MGAT1: variants seen among roughly 807,000 people sequenced by gnomAD.
MGAT1 encodes the protein alpha-1,3-mannosyl-glycoprotein 2-beta-N-acetylglucosaminyltransferase.
A neutral mutation model predicts 31.7 loss-of-function variants in MGAT1; 14 were observed. The ratio of observed to expected loss-of-function variants is 0.44; its 90% confidence interval spans 0.29 to 0.69. The LOEUF is 0.69. Among genes scored for constraint, MGAT1 ranks in the 30% least tolerant of loss-of-function variants. The pLI, the probability that MGAT1 is intolerant of heterozygous loss-of-function variation, is 0.12. For synonymous variants in MGAT1, 338 were observed against 276.0 expected (o/e 1.22, Z -2.23); for missense variants, 557 against 626.0 (o/e 0.89, Z 1.18).
chr5:180,809,962 C>T lies in MGAT1; in HGVS notation c.-545-896G>A, dbSNP rs573633281. ...GTGTTCACAAGAGAAGAGGGTGACACTGCGACCCTTCCTGGACTCTGACCC... is the reference window on the plus strand; with the variant it reads ...GTGTTCACAAGAGAAGAGGGTGACATTGCGACCCTTCCTGGACTCTGACCC... On this transcript the variant is annotated intron_variant, in intron 1 of 2. Coordinates refer to the MGAT1 transcript ENST00000333055. The T allele has an allele frequency of 4.1e-4, 62 of 152,436 alleles. 1 individual carries two copies. In the South Asian group the frequency reaches 0.012, roughly 30 times the overall value. 9.4% of individuals were successfully genotyped at this position (152,436 alleles called of 1,614,324 possible).
In MGAT1 at chr5:180,790,240, C is replaced by G. The variant is rs1460717376; in HGVS notation, c.*1394G>C. On this transcript the variant is annotated 3_prime_UTR_variant, in exon 2 of 2. Transcript: ENST00000307826. ...CTGGTTCTTCCCCAGACCAGGCCTGCCCAGCCAGCAGGAGGCAGAAGCAGG... is the reference window on the plus strand; with the variant it reads ...CTGGTTCTTCCCCAGACCAGGCCTGGCCAGCCAGCAGGAGGCAGAAGCAGG... 1 of 152,270 alleles carries G rather than the reference C, an allele frequency of 6.6e-6. No individual in the cohort carries two copies. The highest frequency in any genetic ancestry group is 1.9e-4 in the East Asian group (1 of 5,186). 9.4% of individuals were successfully genotyped at this position (152,270 alleles called of 1,614,324 possible).
At chr5:180,811,998 T>C (rs546805152) in intron 1 of MGAT1, among the ~76,000 whole-genome samples, 15 of 152,350 alleles carry the variant, frequency 9.8e-5, no homozygotes, top group Non-Finnish European at 1.8e-4. Context: ...AACCTGCCCC[T>C]GACCCAGAGC....
At position 180,791,857 on chromosome 5, in the gene MGAT1, T is replaced by C; in HGVS notation, c.1115A>G (p.Lys372Arg). Residue 372 changes from lysine (K) to arginine (R), a missense_variant, in exon 2 of 2, where the codon AAA (lysine) becomes AGA (arginine). Physicochemically the swap from Lys to Arg is conservative, Grantham distance 26. Around this residue, in one of 3 missense-constraint regions of MGAT1, gnomAD observed 145 missense variants for 143.2 expected, o/e 1.01. Transcript: ENST00000307826. ...CTCCTTCCGGTCATTGGTCCTCACTTTCTCCACCTGCAGCTGGGGAGCACC... is the reference window on the plus strand; with the variant it reads ...CTCCTTCCGGTCATTGGTCCTCACTCTCTCCACCTGCAGCTGGGGAGCACC... ...VYGAPQLQVE[K>R]VRTNDRKELG... The C allele has an allele frequency of 6.2e-7, 1 of 1,614,188 alleles. No homozygotes were observed. The highest frequency in any genetic ancestry group is 8.5e-7 in the Non-Finnish European group (1 of 1,180,036).
chr5:180,793,493 C>T (rs7731696), intron 1 of MGAT1, among the ~76,000 whole-genome samples: 312 of 152,160 alleles, frequency 2.1e-3, no homozygotes, highest in African/African-American at 7.0e-3. Context: ...AACCCCTTAC[C>T]AACAGGGAAG....
upstream of MGAT1, among the ~76,000 whole-genome samples, chr5:180,804,880 C>G (rs893784616): frequency 1.7e-4 from 26 of 152,052 alleles, no homozygotes; most frequent in African/African-American, 5.8e-4. Context: ...TAACGCACAC[C>G]CCATCTCTAC....
chr5:180,810,183 C>G (rs1385889997), intron 1 of MGAT1: 1 of 151,754 alleles, frequency 6.6e-6, no homozygotes, highest in African/African-American at 2.4e-5. Flanking sequence ...ACTCCTTCCC[C>G]CCTCCCACCA....
At chr5:180,810,057 C>T (rs1305159486) in intron 1 of MGAT1, 1 of 151,800 alleles carries the variant, frequency 6.6e-6, no homozygotes, top group African/African-American at 2.4e-5. Flanking sequence ...CCGCCCGCCC[C>T]GTCTCGGCTA....
Position 180,792,081 on chromosome 5 carries a change from C to T in MGAT1, c.891G>A (p.Gln297=). 1 of 1,612,836 alleles carries T rather than the reference C, an allele frequency of 6.2e-7. No individual in the cohort carries two copies. Among genetic ancestry groups the T allele is most frequent in the Non-Finnish European group, 8.5e-7 (1 of 1,179,860 alleles). Residue 297 remains glutamine, a synonymous_variant, in exon 2 of 2, where the codon CAG becomes CAA. Transcript: ENST00000307826. ...FWDDWMRRPE[Q]RQGRACIRPE... is the part of the protein sequence containing the mutation. ...GGCGTATGCAGGCCCGCCCCTGCCGCTGCTCCGGCCGCCGCATCCAGTCGT... is the reference window on the plus strand; with the variant it reads ...GGCGTATGCAGGCCCGCCCCTGCCGTTGCTCCGGCCGCCGCATCCAGTCGT...
At chr5:180,800,054 G>T (rs1340973764) in intron 1 of MGAT1, among the ~76,000 whole-genome samples, 1 of 152,210 alleles carries the variant, frequency 6.6e-6, no homozygotes, top group Non-Finnish European at 1.5e-5. Flanking sequence ...CCACAAGCAA[G>T]AACCACATAG....
Position 180,789,043 on chromosome 5 carries a change from T to G in MGAT1, c.*2591A>C. On this transcript the variant is annotated 3_prime_UTR_variant, in exon 2 of 2. Transcript: ENST00000307826. Reference sequence around the variant, plus strand: ...ACGGATAATGACCACCTCCCCTTATTTAACAAAAAATATGGCTAAATAATC... The same window carrying G: ...ACGGATAATGACCACCTCCCCTTATGTAACAAAAAATATGGCTAAATAATC... 6.6e-6 allele frequency: 1 copy of G among 152,188 alleles called. No individual in the cohort carries two copies. The allele number at this position is 152,188 out of a possible 1,614,324, so 9.4% of individuals were successfully genotyped here. A position where few individuals can be genotyped will look rare whatever the true frequency, so the allele number is the denominator to read the frequency against.
At chr5:180,810,601 C>T (rs2619735) in intron 1 of MGAT1, 22,089 of 152,192 alleles carry the variant, frequency 0.15, 1,816 homozygotes, top group African/African-American at 0.22. Context: ...CGGTGCAGCC[C>T]TGCCCTCTCC....
rs368127999 is a variant in MGAT1, at chr5:180,792,039, C to T, written c.933G>A (p.Thr311=). The T allele has an allele frequency of 7.4e-6, 12 of 1,613,992 alleles. No individual in the cohort carries two copies. Among genetic ancestry groups the T allele is most frequent in the East Asian group, 2.2e-5 (1 of 44,882 alleles). ...RACIRPEISR[T]MTFGRKGVSH... is the part of the protein sequence containing the mutation. ...TCACACCCTTGCGGCCAAAGGTCAT[C>T]GTTCTTGAGATCTCAGGGCGTATGC... Residue 311 remains threonine, a synonymous_variant, in exon 2 of 2, where the codon ACG becomes ACA. Coordinates refer to ENST00000307826, the MANE Select transcript of MGAT1 (RefSeq NM_002406.4).
upstream of MGAT1, among the ~76,000 whole-genome samples, chr5:180,807,318 C>T (rs1411595937): frequency 6.6e-6 from 1 of 152,198 alleles, no homozygotes; most frequent in Admixed American, 6.5e-5. Context: ...AAATTCCCAA[C>T]ACTGTGCTCT....
chr5:180,796,467 C>T (rs533074891), intron 1 of MGAT1, among the ~76,000 whole-genome samples: 13 of 152,264 alleles, frequency 8.5e-5, no homozygotes, highest in Non-Finnish European at 1.2e-4. Flanking sequence ...GGGCAAACGT[C>T]GTTTCAGTTG....
At chr5:180,813,020 G>C (rs2113617021) in intron 1 of MGAT1, among the ~76,000 whole-genome samples, 1 of 151,092 alleles carries the variant, frequency 6.6e-6, no homozygotes, top group South Asian at 2.1e-4. Context: ...CCCTATTTTT[G>C]TACATTTGGG....
chr5:180,796,193 T>G (rs62405454), intron 1 of MGAT1, among the ~76,000 whole-genome samples: 1 of 151,986 alleles, frequency 6.6e-6, no homozygotes, highest in African/African-American at 2.4e-5. Context: ...GCAGATCTGG[T>G]ATAAAAGGGC....
In MGAT1 at chr5:180,789,586, G is replaced by A. The variant is rs929649676; in HGVS notation, c.*2048C>T. 2 of 150,496 alleles carry A rather than the reference G, an allele frequency of 1.3e-5. No homozygotes were observed. The highest frequency in any genetic ancestry group is 4.9e-5 in the African/African-American group (2 of 40,800). The allele number at this position is 150,496 out of a possible 1,614,324, so 9.3% of individuals were successfully genotyped here. A position where few individuals can be genotyped will look rare whatever the true frequency, so the allele number is the denominator to read the frequency against. ...AGCCACCGCGCCTGGACTAGCCCAG[G>A]GTTTTCAAACCCACTCATGAAATCA... On this transcript the variant is annotated 3_prime_UTR_variant, in exon 2 of 2. Transcript: ENST00000307826.
Position 180,788,298 on chromosome 5 carries a change from C to T in MGAT1, c.*3336G>A, listed in dbSNP as rs1161867367. ...CCAGTCTTTCGTCTTGTAAGGGGGT[C>T]CTCTGGCACCGCAGGCCCCAAACTC... On this transcript the variant is annotated 3_prime_UTR_variant, in exon 2 of 2. Coordinates refer to ENST00000307826, the MANE Select transcript of MGAT1 (RefSeq NM_002406.4). 6.6e-6 allele frequency: 1 copy of T among 151,866 alleles called. No individual in the cohort carries two copies. Among genetic ancestry groups the T allele is most frequent in the Non-Finnish European group, 1.5e-5 (1 of 68,156 alleles). 9.4% of individuals were successfully genotyped at this position (151,866 alleles called of 1,614,324 possible).
rs924445956 is a variant in MGAT1, at chr5:180,791,494, C to T, written c.*140G>A. On this transcript the variant is annotated 3_prime_UTR_variant, in exon 2 of 2. Transcript: ENST00000307826. ...AATAATCCTCTTGTTATCATTTGTGCACTTAAATGCCACTCGGAAAAATCA... is the reference window on the plus strand; with the variant it reads ...AATAATCCTCTTGTTATCATTTGTGTACTTAAATGCCACTCGGAAAAATCA... The T allele has an allele frequency of 5.1e-6, 5 of 980,728 alleles. No homozygotes were observed. The highest frequency in any genetic ancestry group is 4.9e-5 in the African/African-American group (3 of 61,114). 60.8% of individuals were successfully genotyped at this position (980,728 alleles called of 1,614,324 possible).
Sources: gnomAD v4.1 joint callset for allele counts (sites outside exome capture counted in the v4.1 genomes callset) on GRCh38, gnomAD v4.1.1 for gene constraint, gnomAD v4.1.1 regional missense constraint, MANE v1.5 for transcripts, NCBI Gene and HGNC (gene_info 2026-07-23, HGNC 2026-07-21) for gene names.